CCSER1: variants seen among roughly 807,000 people sequenced by gnomAD.
CCSER1 encodes the protein coiled-coil serine rich protein 1, also known as serine-rich coiled-coil domain-containing protein 1.
In CCSER1, 41 loss-of-function variants were observed where a neutral mutation model predicts 82.0. The ratio of observed to expected loss-of-function variants is 0.50; its 90% confidence interval spans 0.39 to 0.65. CCSER1 has a LOEUF of 0.65. Ranked by LOEUF, CCSER1 falls within the 30% of genes least tolerant of loss-of-function variation. The pLI is 0.00. For missense variants in CCSER1, 1,119 were observed against 1,064.2 expected (o/e 1.05, Z -0.72); for synonymous variants, 414 against 383.9 (o/e 1.08, Z -0.92).
chr4:91,149,199 T>C (rs1182551860), intron 10 of CCSER1, among the ~76,000 whole-genome samples: 3 of 151,970 alleles, frequency 2.0e-5, no homozygotes, highest in Non-Finnish European at 4.4e-5. Context: ...TGGTGTCTCA[T>C]TATGGTTTTG....
intron 7 of CCSER1, among the ~76,000 whole-genome samples, chr4:90,803,068 A>G: frequency 6.6e-6 from 1 of 152,200 alleles, no homozygotes; most frequent in East Asian, 1.9e-4. Context: ...CTACAAATAC[A>G]AAGAAAGTCA....
intron 10 of CCSER1, among the ~76,000 whole-genome samples, chr4:91,549,872 T>C (rs146956544): frequency 1.1e-4 from 16 of 151,952 alleles, no homozygotes; most frequent in South Asian, 6.2e-4. Flanking sequence ...GGTGAGCCAG[T>C]GTCTACACTG....
chr4:91,390,802 G>C (rs867970999), intron 10 of CCSER1, among the ~76,000 whole-genome samples: 1 of 151,894 alleles, frequency 6.6e-6, no homozygotes, highest in Non-Finnish European at 1.5e-5. Flanking sequence ...TCTTGAGTGA[G>C]TTTTGGCGGA....
At chr4:90,551,702 C>CTATATA (rs1279660129) in intron 5 of CCSER1, among the ~76,000 whole-genome samples, 13 of 114,000 alleles carry the variant, frequency 1.1e-4, no homozygotes, top group African/African-American at 3.5e-4. Context: ...CTCTCTCTCT[C>CTATATA]TCTCTATATA....
chr4:91,530,581 T>C (rs1414753831), intron 10 of CCSER1, among the ~76,000 whole-genome samples: 1 of 152,072 alleles, frequency 6.6e-6, no homozygotes, highest in East Asian at 1.9e-4. Context: ...TTGTTAAACA[T>C]TGAATCATTA....
chr4:90,264,975 G>T (rs1044869394), intron 1 of CCSER1, among the ~76,000 whole-genome samples: 15 of 151,890 alleles, frequency 9.9e-5, no homozygotes, highest in Admixed American at 3.3e-4. Flanking sequence ...ATTTTAAATT[G>T]AGGGTATAAT....
At chr4:91,164,629 C>T (rs886145692) in intron 10 of CCSER1, among the ~76,000 whole-genome samples, 1 of 152,130 alleles carries the variant, frequency 6.6e-6, no homozygotes, top group African/African-American at 2.4e-5. Context: ...TTGTTCATTT[C>T]TTTCTATTCT....
chr4:90,870,880 G>T (rs1766396584), intron 8 of CCSER1, among the ~76,000 whole-genome samples: 1 of 142,150 alleles, frequency 7.0e-6, no homozygotes, highest in African/African-American at 2.6e-5. Context: ...ACTTGTTATG[G>T]TCTATTCAGA....
intron 5 of CCSER1, among the ~76,000 whole-genome samples, chr4:90,584,083 GTAATTCCCTA>G (rs1781724232): frequency 6.6e-6 from 1 of 152,094 alleles, no homozygotes; most frequent in Non-Finnish European, 1.5e-5. Context: ...CATACCCTAT[GTAATTCCCTA>G]GGACTGTGAA....
intron 10 of CCSER1, among the ~76,000 whole-genome samples, chr4:91,295,600 T>C (rs1375119898): frequency 6.6e-6 from 1 of 151,932 alleles, no homozygotes; most frequent in African/African-American, 2.4e-5. Flanking sequence ...ACAATTATTT[T>C]AGAAAACATA....
At chr4:90,582,137 C>G (rs967158679) in intron 5 of CCSER1, among the ~76,000 whole-genome samples, 1 of 151,942 alleles carries the variant, frequency 6.6e-6, no homozygotes, top group Non-Finnish European at 1.5e-5. Context: ...TCTCCCACCC[C>G]CAAGAGCAAA....
At chr4:90,933,182 T>TGTGA (rs1730444285) in intron 9 of CCSER1, among the ~76,000 whole-genome samples, 1 of 90,800 alleles carries the variant, frequency 1.1e-5, no homozygotes, top group Non-Finnish European at 2.2e-5. Flanking sequence ...TGTGTGTGTG[T>TGTGA]GATTTTATTT....
chr4:91,343,344 C>A (rs1275168925), intron 10 of CCSER1, among the ~76,000 whole-genome samples: 1 of 152,068 alleles, frequency 6.6e-6, no homozygotes, highest in Non-Finnish European at 1.5e-5. Flanking sequence ...TGCTTGACAG[C>A]TTTTTCTGCT....
chr4:90,761,298 A>G (rs1032202042), intron 7 of CCSER1, among the ~76,000 whole-genome samples: 1 of 152,116 alleles, frequency 6.6e-6, no homozygotes, highest in African/African-American at 2.4e-5. Flanking sequence ...GACCAACAAT[A>G]TTATCTTATT....
Position 91,184,068 on chromosome 4 carries a change from G to A in CCSER1, c.2217+98074G>A, listed in dbSNP as rs190622406. ...AGTGCAGCAGTATGAATTTTGTCAG[G>A]AGCTATAATTAAACCAGCACAAGAA... On this transcript the variant is annotated intron_variant, in intron 10 of 10. Transcript: ENST00000509176. Among the ~76,000 whole-genome samples the A allele has an allele frequency of 8.3e-4, 127 of 152,272 alleles. 1 individual carries two copies. The highest frequency in any genetic ancestry group is 1.7e-3 in the South Asian group (8 of 4,828).
At chr4:91,444,258 G>A (rs1755403729) in intron 10 of CCSER1, among the ~76,000 whole-genome samples, 1 of 152,132 alleles carries the variant, frequency 6.6e-6, no homozygotes, top group Non-Finnish European at 1.5e-5. Flanking sequence ...TAGCCACTTA[G>A]AACAAGGAGC....
rs906336316 is a variant in CCSER1, at chr4:90,838,805, A to G, written c.2094+22960A>G. 2.0e-6 allele frequency: 3 copies of G among 1,490,312 alleles called. No individual in the cohort carries two copies. The African/African-American group carries it at 4.2e-5, about 21-fold the overall frequency. The allele number at this position is 1,490,312 out of a possible 1,614,324, so 92.3% of individuals were successfully genotyped here. A position where few individuals can be genotyped will look rare whatever the true frequency, so the allele number is the denominator to read the frequency against. On this transcript the variant is annotated intron_variant, in intron 8 of 10. Coordinates refer to ENST00000509176, the MANE Select transcript of CCSER1 (RefSeq NM_001145065.2). ...CAGCACAGTCATTTAAACTTGATCC[A>G]ACCTCTTTGCATCTTACAAAGTTAA...
intron 4 of CCSER1, among the ~76,000 whole-genome samples, chr4:90,467,632 A>C: frequency 6.6e-6 from 1 of 151,950 alleles, no homozygotes; most frequent in East Asian, 1.9e-4. Context: ...GCAGTGAGCC[A>C]AGATCGTGCC....
At chr4:90,712,304 A>G (rs1261135292) in intron 6 of CCSER1, among the ~76,000 whole-genome samples, 3 of 151,948 alleles carry the variant, frequency 2.0e-5, no homozygotes, top group Non-Finnish European at 4.4e-5. Flanking sequence ...CCTTCTTAAC[A>G]CTGCCTTAGC....
Sources: gnomAD v4.1 joint callset for allele counts (sites outside exome capture counted in the v4.1 genomes callset) on GRCh38, gnomAD v4.1.1 for gene constraint, MANE v1.5 for transcripts, NCBI Gene and HGNC (gene_info 2026-07-23, HGNC 2026-07-21) for gene names.